ZNF652: variants seen among roughly 807,000 people sequenced by gnomAD.
ZNF652 encodes the protein zinc finger protein 652.
A neutral mutation model predicts 45.2 loss-of-function variants in ZNF652; 16 were observed. The observed-to-expected ratio is 0.35, with a 90% CI of 0.24 to 0.54. The LOEUF is 0.54. Ranked by LOEUF, ZNF652 falls within the 20% of genes least tolerant of loss-of-function variation. The pLI, the probability that ZNF652 is intolerant of heterozygous loss-of-function variation, is 0.91. For missense variants in ZNF652, 614 were observed against 765.6 expected (o/e 0.80, Z 2.34); for synonymous variants, 250 against 260.6 (o/e 0.96, Z 0.39).
chr17:49,342,571 G>GGA (rs2070160579), intron 1 of ZNF652, among the ~76,000 whole-genome samples: 4 of 68,272 alleles, frequency 5.9e-5, no homozygotes, highest in South Asian at 7.2e-4. Flanking sequence ...GGGGGGGGGG[G>GGA]AATCAATACA....
intron 5 of ZNF652, among the ~76,000 whole-genome samples, chr17:49,303,391 C>T (rs1178750236): frequency 6.6e-6 from 1 of 151,832 alleles, no homozygotes; most frequent in Non-Finnish European, 1.5e-5. Context: ...CAGGCATGCA[C>T]CACCATACCT....
intron 1 of ZNF652, among the ~76,000 whole-genome samples, chr17:49,320,141 T>G (rs1199311318): frequency 6.6e-6 from 1 of 152,160 alleles, no homozygotes; most frequent in Non-Finnish European, 1.5e-5. Context: ...CCAATAGTTA[T>G]ATCACAACTT....
At chr17:49,337,277 A>C (rs2070095896) in intron 1 of ZNF652, among the ~76,000 whole-genome samples, 1 of 150,920 alleles carries the variant, frequency 6.6e-6, no homozygotes, top group South Asian at 2.1e-4. Context: ...TCCAGGCTAT[A>C]GTAAGCTATG....
chr17:49,341,489 CAAAAAAAAA>C (rs754847307), intron 1 of ZNF652, among the ~76,000 whole-genome samples: 5 of 82,202 alleles, frequency 6.1e-5, no homozygotes, highest in Non-Finnish European at 1.1e-4. Context: ...CTCATCTCTA[CAAAAAAAAA>C]AAAAAAAAAA....
In ZNF652 at chr17:49,293,624, C is replaced by A. The variant is rs2069431937; in HGVS notation, c.*4789G>T. Among the ~76,000 whole-genome samples the A allele has an allele frequency of 8.0e-6, 1 of 125,012 alleles. No homozygotes were observed. 82.0% of individuals were successfully genotyped at this position (125,012 alleles called of 152,430 possible). ...GTGTTGTTATTGCATAATAATGCCA[C>A]TATTTCTAATGGCTTATGACCTTTC... is the stretch of plus-strand genomic sequence containing the variant. On this transcript the variant is annotated 3_prime_UTR_variant, in exon 6 of 6. Coordinates refer to ENST00000430262, the MANE Select transcript of ZNF652 (RefSeq NM_001145365.3).
chr17:49,347,995 C>T (rs1278636124), intron 1 of ZNF652, among the ~76,000 whole-genome samples: 1 of 152,090 alleles, frequency 6.6e-6, no homozygotes, highest in African/African-American at 2.4e-5. Flanking sequence ...ATCCACCCGC[C>T]TTGGCCTCCC....
At chr17:49,331,921 A>G (rs1205704645) in intron 1 of ZNF652, among the ~76,000 whole-genome samples, 1 of 152,316 alleles carries the variant, frequency 6.6e-6, no homozygotes, top group South Asian at 2.1e-4. Context: ...GTGAGCTGAG[A>G]TCGCAGCACT....
intron 1 of ZNF652, among the ~76,000 whole-genome samples, chr17:49,321,974 T>C (rs1017287120): frequency 5.3e-5 from 8 of 152,248 alleles, no homozygotes; most frequent in East Asian, 3.9e-4. Context: ...ATAAAAGAAA[T>C]CCAGAAAGTC....
At chr17:49,330,334 C>T (rs974766698) in intron 1 of ZNF652, among the ~76,000 whole-genome samples, 2 of 152,066 alleles carry the variant, frequency 1.3e-5, no homozygotes, top group African/African-American at 4.8e-5. Context: ...ACTCTGCCAC[C>T]CAGGCTGGAG....
chr17:49,299,003 A>G (rs765196123), intron 5 of ZNF652, 79 bp from the exon 6 acceptor site: 300 of 1,406,968 alleles, frequency 2.1e-4, no homozygotes, highest in Non-Finnish European at 2.8e-4. Flanking sequence ...TTTAATAGAA[A>G]TGGGGTCTCA....
chr17:49,308,453 A>G (rs1187092369), intron 5 of ZNF652, among the ~76,000 whole-genome samples: 1 of 152,176 alleles, frequency 6.6e-6, no homozygotes, highest in East Asian at 1.9e-4. Context: ...CTGGGATTAT[A>G]GGCATGAGCC....
chr17:49,342,579 A>G (rs1339359646), intron 1 of ZNF652, among the ~76,000 whole-genome samples: 1 of 139,380 alleles, frequency 7.2e-6, no homozygotes, highest in African/African-American at 2.7e-5. Context: ...GGGAATCAAT[A>G]CATTTTCATG....
At chr17:49,333,932 G>C (rs2070054132) in intron 1 of ZNF652, among the ~76,000 whole-genome samples, 1 of 151,724 alleles carries the variant, frequency 6.6e-6, no homozygotes, top group Non-Finnish European at 1.5e-5. Context: ...TTACTGGTAG[G>C]AATATAAAAT....
chr17:49,343,140 C>T (rs552890987), intron 1 of ZNF652, among the ~76,000 whole-genome samples: 1 of 152,312 alleles, frequency 6.6e-6, no homozygotes, highest in East Asian at 1.9e-4. Flanking sequence ...CCTCAGCCTC[C>T]CAAAGTGCTG....
chr17:49,304,866 GTA>G (rs1263322761), intron 5 of ZNF652, among the ~76,000 whole-genome samples: 4 of 123,636 alleles, frequency 3.2e-5, no homozygotes, highest in Non-Finnish European at 5.0e-5. Flanking sequence ...ATACATATAT[GTA>G]TATATATGTG....
rs1486652556 is a variant in ZNF652, at chr17:49,317,622, G to A, written c.104C>T (p.Ser35Phe). Reference protein sequence around the residue: ...EDSRRGQVPSSFYHGANQELD... With the variant: ...EDSRRGQVPSFFYHGANQELD... ...TTCTTGGTTGGCACCATGATAAAAG[G>A]AAGATGGCACTTGACCACGACGGCT... Residue 35 changes from serine (S) to phenylalanine (F), a missense_variant, in exon 2 of 6, where the codon TCC (serine) becomes TTC (phenylalanine). Ser to Phe is a radical substitution (Grantham distance 155, BLOSUM62 -2). Coordinates refer to ENST00000430262, the MANE Select transcript of ZNF652 (RefSeq NM_001145365.3). 1 of 1,614,080 alleles carries A rather than the reference G, an allele frequency of 6.2e-7. No homozygotes were observed. Among genetic ancestry groups the A allele is most frequent in the Non-Finnish European group, 8.5e-7 (1 of 1,179,988 alleles).
chr17:49,330,681 T>C (rs982670263), intron 1 of ZNF652, among the ~76,000 whole-genome samples: 1 of 151,570 alleles, frequency 6.6e-6, no homozygotes, highest in African/African-American at 2.4e-5. Context: ...ATAAATGGAG[T>C]AGTCCATTTT....
intron 1 of ZNF652, among the ~76,000 whole-genome samples, chr17:49,342,560 G>T (rs868069795): frequency 2.2e-5 from 1 of 46,066 alleles, no homozygotes. Context: ...ATAAAGGGGG[G>T]GGGGGGGGGG....
At chr17:49,322,186 A>G (rs779045395) in intron 1 of ZNF652, among the ~76,000 whole-genome samples, 3 of 152,240 alleles carry the variant, frequency 2.0e-5, no homozygotes, top group Non-Finnish European at 2.9e-5. Flanking sequence ...TATTTCTCTA[A>G]TGTGAATTAA....
Sources: gnomAD v4.1 joint callset for allele counts (sites outside exome capture counted in the v4.1 genomes callset) on GRCh38, gnomAD v4.1.1 for gene constraint, MANE v1.5 for transcripts, NCBI Gene and HGNC (gene_info 2026-07-23, HGNC 2026-07-21) for gene names.